Variants in DLG2 observed in about 807,000 individuals in gnomAD.
DLG2 encodes discs large MAGUK scaffold protein 2, also known as disks large homolog 2.
DLG2 carries 45 observed loss-of-function variants against 132.5 expected under a neutral mutation model. That is an observed-to-expected ratio of 0.34 (90% CI 0.27 to 0.44). The LOEUF is 0.44. Among genes scored for constraint, DLG2 ranks in the 20% least tolerant of loss-of-function variants. The pLI is 1.00. For missense variants in DLG2, 1,045 were observed against 1,196.9 expected (o/e 0.87, Z 1.87); for synonymous variants, 424 against 419.6 (o/e 1.01, Z -0.13).
intron 19 of DLG2, among the ~76,000 whole-genome samples, chr11:83,620,116 G>T (rs1482812257): frequency 1.3e-5 from 2 of 152,074 alleles, no homozygotes; most frequent in Admixed American, 6.5e-5. Context: ...TAAAAGTATG[G>T]AATCCTGAGT....
At chr11:84,197,041 A>C (rs1276362924) in intron 8 of DLG2, among the ~76,000 whole-genome samples, 168 of 134,202 alleles carry the variant, frequency 1.3e-3, no homozygotes, top group Non-Finnish European at 2.3e-3. Context: ...TTTCTCAAAA[A>C]AAAAAAAAAA....
chr11:85,386,513 T>C (rs1243482075), intron 3 of DLG2, among the ~76,000 whole-genome samples: 1 of 152,142 alleles, frequency 6.6e-6, no homozygotes. Context: ...GATGAATTCG[T>C]AGGACTATTT....
At position 83,577,081 on chromosome 11, in the gene DLG2, C is replaced by T. The variant is rs1851982353; in HGVS notation, c.1941-35223G>A. 2.0e-5 allele frequency among the ~76,000 whole-genome samples: 3 copies of T among 152,062 alleles called. No individual in the cohort carries two copies. In the South Asian group the frequency reaches 6.2e-4, roughly 32 times the overall value. The stretch of plus-strand genomic sequence containing the variant: ...CTTAATCTGGTAGGCACAATCTAAT[C>T]AGCTGCCAGCGAATATAAAGCAGGC... On this transcript the variant is annotated intron_variant, in intron 19 of 27. Transcript: ENST00000376104.
chr11:83,997,780 T>C (rs1352044314), intron 11 of DLG2, among the ~76,000 whole-genome samples: 2 of 80,016 alleles, frequency 2.5e-5, no homozygotes, highest in Non-Finnish European at 4.9e-5. Flanking sequence ...GTGTGCCAAA[T>C]AGTCCCTCAT....
chr11:85,266,013 C>T (rs1284955398), intron 4 of DLG2, among the ~76,000 whole-genome samples: 1 of 152,260 alleles, frequency 6.6e-6, no homozygotes, highest in Non-Finnish European at 1.5e-5. Flanking sequence ...CCCAAAAAGG[C>T]TGTCACACTG....
intron 6 of DLG2, among the ~76,000 whole-genome samples, chr11:84,880,182 G>T (rs1330187708): frequency 6.6e-6 from 1 of 152,038 alleles, no homozygotes; most frequent in African/African-American, 2.4e-5. Flanking sequence ...ATCACCATGA[G>T]GATGCACAAG....
At chr11:85,142,129 C>T (rs192215079) in intron 5 of DLG2, among the ~76,000 whole-genome samples, 71 of 151,822 alleles carry the variant, frequency 4.7e-4, no homozygotes, top group African/African-American at 1.4e-3. Flanking sequence ...TTTCACTGAA[C>T]GTGTAGATTG....
intron 6 of DLG2, among the ~76,000 whole-genome samples, chr11:84,654,409 TG>T (rs2099685756): frequency 6.6e-6 from 1 of 152,168 alleles, no homozygotes; most frequent in African/African-American, 2.4e-5. Context: ...ATCACTTTCC[TG>T]GGGGGAGGGA....
At position 85,502,778 on chromosome 11, in the gene DLG2, C is replaced by T. The variant is rs191477312; in HGVS notation, c.40+95879G>A. ...CACACATATACCTATGTAACAAACC[C>T]GCACATTCTGCACATGTATTCCAGA... On this transcript the variant is annotated intron_variant, in intron 3 of 27. Transcript: ENST00000376104. Among the ~76,000 whole-genome samples, 272 of 152,020 alleles carry T rather than the reference C, an allele frequency of 1.8e-3. 3 individuals are homozygous for T. The highest frequency in any genetic ancestry group is 3.4e-3 in the Middle Eastern group (1 of 294).
intron 7 of DLG2, among the ~76,000 whole-genome samples, chr11:84,489,245 T>TA: frequency 6.6e-6 from 1 of 152,136 alleles, no homozygotes; most frequent in South Asian, 2.1e-4. Context: ...TATCTGTCTT[T>TA]AGTCTCAGCA....
chr11:84,163,386 A>G, intron 9 of DLG2, 75 bp downstream of exon 9: 6 of 1,342,224 alleles, frequency 4.5e-6, no homozygotes, highest in Non-Finnish European at 6.2e-6. Flanking sequence ...TAATTTCACA[A>G]GACAACTCAT....
At chr11:85,093,052 C>T (rs568504853) in intron 6 of DLG2, among the ~76,000 whole-genome samples, 3 of 152,322 alleles carry the variant, frequency 2.0e-5, no homozygotes, top group African/African-American at 7.2e-5. Flanking sequence ...TCCAATTACA[C>T]TCCTTTTAGA....
chr11:84,821,667 A>G (rs989851184), intron 6 of DLG2, among the ~76,000 whole-genome samples: 14 of 151,380 alleles, frequency 9.2e-5, no homozygotes, highest in African/African-American at 3.4e-4. Flanking sequence ...AAACAAAAAA[A>G]CAACTTTGGT....
At chr11:85,321,030 T>C (rs999802735) in intron 3 of DLG2, among the ~76,000 whole-genome samples, 43 of 151,668 alleles carry the variant, frequency 2.8e-4, no homozygotes, top group Admixed American at 8.5e-4. Context: ...TAAAATAAAA[T>C]AAAATAATCT....
At chr11:85,066,749 T>C (rs1020901466) in intron 6 of DLG2, among the ~76,000 whole-genome samples, 2 of 151,622 alleles carry the variant, frequency 1.3e-5, no homozygotes, top group East Asian at 3.9e-4. Flanking sequence ...TATCCTATCA[T>C]AATAAAAATC....
intron 8 of DLG2, among the ~76,000 whole-genome samples, chr11:84,219,100 C>T (rs925863237): frequency 6.6e-6 from 1 of 152,176 alleles, no homozygotes; most frequent in Non-Finnish European, 1.5e-5. Context: ...TGTCAAGATG[C>T]GCTGACTCTA....
intron 21 of DLG2, among the ~76,000 whole-genome samples, chr11:83,528,737 G>C (rs567298087): frequency 1.3e-5 from 2 of 152,166 alleles, no homozygotes; most frequent in African/African-American, 2.4e-5. Context: ...TGAGGCTCAG[G>C]CTCCTGATTT....
intron 7 of DLG2, among the ~76,000 whole-genome samples, chr11:84,450,463 A>C (rs79104196): frequency 0.052 from 7,803 of 151,398 alleles, 282 homozygotes; most frequent in South Asian, 0.15. Context: ...AAGGTTGGAA[A>C]ACATGAGATG....
At chr11:84,124,200 G>GT (rs202051932) in intron 9 of DLG2, among the ~76,000 whole-genome samples, 1,894 of 152,240 alleles carry the variant, frequency 0.012, 35 homozygotes, top group African/African-American at 0.044. Flanking sequence ...ACCAGCACAT[G>GT]TTTTTTTCCT....
Sources: gnomAD v4.1 joint callset for allele counts (sites outside exome capture counted in the v4.1 genomes callset) on GRCh38, gnomAD v4.1.1 for gene constraint, MANE v1.5 for transcripts, NCBI Gene and HGNC (gene_info 2026-07-23, HGNC 2026-07-21) for gene names.